AIG1: variants seen among roughly 807,000 people sequenced by gnomAD.
AIG1 encodes androgen induced 1.
A neutral mutation model predicts 31.4 loss-of-function variants in AIG1; 23 were observed. The observed-to-expected ratio is 0.73, with a 90% CI of 0.53 to 1.04. The LOEUF (loss-of-function observed/expected upper bound fraction) is 1.04, where lower values mean the gene tolerates loss of function less well. Ranked by LOEUF, AIG1 falls within the 50% of genes least tolerant of loss-of-function variation. The pLI, the probability that AIG1 is intolerant of heterozygous loss-of-function variation, is 0.00. For synonymous variants in AIG1, 100 were observed against 110.5 expected (o/e 0.90, Z 0.60); for missense variants, 274 against 295.0 (o/e 0.93, Z 0.52).
At chr6:143,236,368 C>T (rs77979168) in intron 3 of AIG1, among the ~76,000 whole-genome samples, 2,052 of 152,346 alleles carry the variant, frequency 0.013, 43 homozygotes, top group African/African-American at 0.047. Context: ...GGTAATTTGT[C>T]GTTGTTCTGG....
chr6:143,261,351 C>T (rs1365044327), intron 3 of AIG1, among the ~76,000 whole-genome samples: 1 of 152,128 alleles, frequency 6.6e-6, no homozygotes, highest in Non-Finnish European at 1.5e-5. Flanking sequence ...AAGCTGGTCT[C>T]GAACTCCTGA....
rs578004270 is a variant in AIG1 at position 143,187,339 on chromosome 6, G to A, written c.399+22156G>A. 258 of 1,436,472 alleles carry A rather than the reference G, an allele frequency of 1.8e-4. 2 individuals carry two copies. In the South Asian group the frequency reaches 2.8e-3, roughly 16 times the overall value. The allele number at this position is 1,436,472 out of a possible 1,614,324, so 89.0% of individuals were successfully genotyped here. On this transcript the variant is annotated intron_variant, in intron 3 of 5. Coordinates refer to ENST00000357847, the MANE Select transcript of AIG1 (RefSeq NM_016108.4). ...GCAAATATGAACTAATCAGACCACA[G>A]ATATTTTGCTGCATTCCATGGTGTC...
chr6:143,316,952 A>G (rs1161717037), intron 4 of AIG1, among the ~76,000 whole-genome samples: 2 of 152,104 alleles, frequency 1.3e-5, no homozygotes, highest in African/African-American at 4.8e-5. Flanking sequence ...CCTAGATTAA[A>G]CCAGGAAGAA....
intron 3 of AIG1, among the ~76,000 whole-genome samples, chr6:143,234,067 T>C (rs1793638195): frequency 6.6e-6 from 1 of 152,190 alleles, no homozygotes; most frequent in South Asian, 2.1e-4. Context: ...CCATGGTGCT[T>C]GAACGGCAGG....
intron 3 of AIG1, among the ~76,000 whole-genome samples, chr6:143,173,633 C>G (rs903713610): frequency 6.6e-6 from 1 of 152,138 alleles, no homozygotes; most frequent in Non-Finnish European, 1.5e-5. Flanking sequence ...ACCTTGATTT[C>G]ATTGTTGAGC....
At chr6:143,286,577 C>G (rs1318716636) in intron 4 of AIG1, among the ~76,000 whole-genome samples, 3 of 152,086 alleles carry the variant, frequency 2.0e-5, no homozygotes, top group African/African-American at 7.3e-5. Context: ...TCCTTTCAGA[C>G]TATGTTAGGG....
intron 2 of AIG1, among the ~76,000 whole-genome samples, chr6:143,146,956 T>A (rs1383850760): frequency 6.6e-6 from 1 of 151,918 alleles, no homozygotes; most frequent in Admixed American, 6.6e-5. Context: ...ACGCAGAAAA[T>A]CAGGTGGGAA....
At chr6:143,277,326 AT>A (rs1489674840) in intron 3 of AIG1, among the ~76,000 whole-genome samples, 48 of 152,312 alleles carry the variant, frequency 3.2e-4, no homozygotes, top group Middle Eastern at 3.4e-3. Context: ...CTTATTTACA[AT>A]ATAGCTATAA....
At chr6:143,080,314 A>G (rs1046217923) in intron 1 of AIG1, among the ~76,000 whole-genome samples, 1 of 152,152 alleles carries the variant, frequency 6.6e-6, no homozygotes, top group African/African-American at 2.4e-5. Context: ...TCCGCGGTAG[A>G]TCTTAGTCAT....
intron 2 of AIG1, among the ~76,000 whole-genome samples, chr6:143,146,099 A>G (rs1482643419): frequency 2.0e-5 from 3 of 152,182 alleles, no homozygotes; most frequent in Non-Finnish European, 4.4e-5. Context: ...CAAGAGATTC[A>G]GACAACGGGT....
intron 1 of AIG1, among the ~76,000 whole-genome samples, chr6:143,112,069 A>G (rs1562387433): frequency 6.6e-6 from 1 of 152,208 alleles, no homozygotes; most frequent in Non-Finnish European, 1.5e-5. Context: ...CCTTCAGCAC[A>G]AAAGCCAAGA....
chr6:143,309,220 C>G (rs1261744399), intron 4 of AIG1, among the ~76,000 whole-genome samples: 2 of 151,830 alleles, frequency 1.3e-5, no homozygotes, highest in Non-Finnish European at 2.9e-5. Flanking sequence ...GAACTATTTT[C>G]TCAGACAAGC....
intron 3 of AIG1, among the ~76,000 whole-genome samples, chr6:143,170,966 A>G (rs538341629): frequency 1.3e-5 from 2 of 152,100 alleles, no homozygotes; most frequent in Non-Finnish European, 2.9e-5. Flanking sequence ...ATGGGACAAC[A>G]TTAAGGAAAC....
chr6:143,199,080 C>T (rs770364174), intron 3 of AIG1, among the ~76,000 whole-genome samples: 2 of 152,172 alleles, frequency 1.3e-5, no homozygotes, highest in African/African-American at 2.4e-5. Context: ...TCTTCCAGTG[C>T]ATATGCTAAA....
At chr6:143,209,032 T>G (rs1791373572) in intron 3 of AIG1, among the ~76,000 whole-genome samples, 1 of 152,080 alleles carries the variant, frequency 6.6e-6, no homozygotes, top group Admixed American at 6.5e-5. Context: ...TGGAGCCTGA[T>G]GTATTACTAG....
intron 4 of AIG1, among the ~76,000 whole-genome samples, chr6:143,302,633 ATTTGG>A (rs1798913432): frequency 1.3e-5 from 2 of 152,262 alleles, no homozygotes; most frequent in Admixed American, 1.3e-4. Flanking sequence ...ATTGTTGGAC[ATTTGG>A]GTTGGTTCCA....
Position 143,194,733 on chromosome 6 carries a change from T to G in AIG1, c.399+29550T>G, listed in dbSNP as rs1159565329. ...CTGGAGAACCTGAACGTGTGCTTGA[T>G]GTCTCCACGTCACGGCAGGTGGCCC... On this transcript the variant is annotated intron_variant, in intron 3 of 5. Coordinates refer to ENST00000357847, the MANE Select transcript of AIG1 (RefSeq NM_016108.4). 6.6e-5 allele frequency among the ~76,000 whole-genome samples: 10 copies of G among 152,178 alleles called. No homozygotes were observed. The East Asian group carries it at 1.9e-3, about 29-fold the overall frequency.
At chr6:143,248,212 A>T (rs1794751391) in intron 3 of AIG1, among the ~76,000 whole-genome samples, 1 of 152,198 alleles carries the variant, frequency 6.6e-6, no homozygotes, top group Non-Finnish European at 1.5e-5. Flanking sequence ...AGTACATACC[A>T]ATATCTGCAA....
At chr6:143,138,612 G>C (rs1783965845) in intron 2 of AIG1, among the ~76,000 whole-genome samples, 1 of 152,078 alleles carries the variant, frequency 6.6e-6, no homozygotes, top group Admixed American at 6.5e-5. Flanking sequence ...TAAAAAAGTA[G>C]GCCAGGCGCA....
Sources: allele counts gnomAD v4.1 joint callset (sites outside exome capture counted in the v4.1 genomes callset), GRCh38; gene constraint gnomAD v4.1.1; transcripts MANE v1.5; gene names NCBI Gene and HGNC (gene_info 2026-07-23, HGNC 2026-07-21).